The following PLOD1 variants were observed in gnomAD, a reference collection of about 807,000 sequenced individuals.
PLOD1 encodes procollagen-lysine,2-oxoglutarate 5-dioxygenase 1.
In PLOD1, 70 loss-of-function variants were observed where a neutral mutation model predicts 94.7. The ratio of observed to expected loss-of-function variants is 0.74; its 90% confidence interval spans 0.61 to 0.90. PLOD1 has a LOEUF of 0.90. Among genes scored for constraint, PLOD1 ranks in the 40% least tolerant of loss-of-function variants. PLOD1 has a pLI of 0.00. For synonymous variants in PLOD1, 417 were observed against 400.2 expected (o/e 1.04, Z -0.50); for missense variants, 905 against 972.7 (o/e 0.93, Z 0.93).
intron 1 of PLOD1, among the ~76,000 whole-genome samples, chr1:11,936,400 G>C (rs919331661): frequency 1.3e-5 from 2 of 151,200 alleles, no homozygotes; most frequent in Admixed American, 1.3e-4. Context: ...AAGCAGAAGT[G>C]GCGGTACTTT....
At chr1:11,968,244 G>A (rs773807117) in intron 16 of PLOD1, among the ~76,000 whole-genome samples, 3 of 151,842 alleles carry the variant, frequency 2.0e-5, no homozygotes, top group East Asian at 3.9e-4. Flanking sequence ...GTGAGCCACC[G>A]TGTCTGGCCT....
chr1:11,942,684 G>C (rs1403723377), intron 1 of PLOD1, among the ~76,000 whole-genome samples: 2 of 152,302 alleles, frequency 1.3e-5, no homozygotes, highest in East Asian at 3.9e-4. Flanking sequence ...CCGCCTCCCA[G>C]ACCCCTGCAT....
At chr1:11,970,952 G>A (rs539463587) in intron 17 of PLOD1, 136 bp downstream of exon 17, 22 of 495,426 alleles carry the variant, frequency 4.4e-5, no homozygotes, top group South Asian at 7.5e-5. Flanking sequence ...TGTGGGGAGC[G>A]TGGGAGGGGC....
chr1:11,951,523 G>A (rs904526896), intron 4 of PLOD1, among the ~76,000 whole-genome samples: 23 of 150,702 alleles, frequency 1.5e-4, no homozygotes, highest in African/African-American at 5.6e-4. Flanking sequence ...CTGAGATGGT[G>A]CCACTGCACT....
Position 11,954,890 on chromosome 1 carries a change from T to C in PLOD1, c.640T>C (p.Leu214=). 5.6e-6 allele frequency: 9 copies of C among 1,612,158 alleles called. No homozygotes were observed. Among genetic ancestry groups the C allele is most frequent in the Non-Finnish European group, 7.6e-6 (9 of 1,178,250 alleles). Residue 214 remains leucine, a synonymous_variant, in exon 6 of 19, where the codon TTG becomes CTG. Coordinates refer to ENST00000196061, the MANE Select transcript of PLOD1 (RefSeq NM_000302.4). ...CRIFQNLDGA[L]DEVVLKFEMG... ...TATCTTCCAGAACCTGGATGGAGCC[T>C]TGGGTGAGCAGCCCCCACGGGGAGG... is the stretch of plus-strand genomic sequence containing the variant.
intron 6 of PLOD1, 92 bp downstream of exon 6, chr1:11,954,985 G>C (rs1024194421): frequency 8.1e-6 from 8 of 991,922 alleles, no homozygotes; most frequent in Non-Finnish European, 1.3e-5. Flanking sequence ...GAAATGGGCT[G>C]CTTCTTTCTG....
At position 11,957,730 on chromosome 1, in the gene PLOD1, A is replaced by G; in HGVS notation, c.742-112A>G. On this transcript the variant is annotated intron_variant, in intron 7 of 18. Coordinates refer to ENST00000196061, the MANE Select transcript of PLOD1 (RefSeq NM_000302.4). This position sits in a 1 kb window ranked among gnomAD's most constrained non-coding sequence, Gnocchi z 4.1. ...CATTATCTCCAAGACCCTCTTAGGG[A>G]GTGGGAGGGGGCTGGATGGTGCTGA... 1.3e-6 allele frequency: 1 copy of G among 792,120 alleles called. No homozygotes were observed. Among genetic ancestry groups the G allele is most frequent in the Middle Eastern group, 2.9e-4 (1 of 3,476 alleles). The allele number at this position is 792,120 out of a possible 1,614,324, so 49.1% of individuals were successfully genotyped here.
chr1:11,944,346 C>T (rs1389881212), intron 1 of PLOD1, among the ~76,000 whole-genome samples: 5 of 152,052 alleles, frequency 3.3e-5, no homozygotes, highest in Admixed American at 3.3e-4. Context: ...CACGCCACCC[C>T]ATCCCCTTCC....
At chr1:11,962,274 CTTTTT>C (rs780613164) in intron 10 of PLOD1, among the ~76,000 whole-genome samples, 12 of 99,084 alleles carry the variant, frequency 1.2e-4, no homozygotes, top group African/African-American at 1.7e-4. Flanking sequence ...TTTTTGTTTT[CTTTTT>C]TTTTTTTTTT....
chr1:11,972,782 A>G lies in PLOD1; in HGVS notation c.1903-90A>G. ...CCTGTAAGCTGACCTGCAGCAGGCC[A>G]GACCAGGCCCCATGTGTGCACCCTC... is the stretch of plus-strand genomic sequence containing the variant. On this transcript the variant is annotated intron_variant, in intron 17 of 18. Coordinates refer to ENST00000196061, the MANE Select transcript of PLOD1 (RefSeq NM_000302.4). This position sits in a 1 kb window ranked among gnomAD's most constrained non-coding sequence, Gnocchi z 4.6. 1 of 1,476,656 alleles carries G rather than the reference A, an allele frequency of 6.8e-7. No homozygotes were observed. The highest frequency in any genetic ancestry group is 1.1e-5 in the South Asian group (1 of 87,774). 91.5% of individuals were successfully genotyped at this position (1,476,656 alleles called of 1,614,324 possible).
chr1:11,954,594 G>A (rs1331316105), intron 5 of PLOD1: 5 of 757,458 alleles, frequency 6.6e-6, no homozygotes, highest in Non-Finnish European at 1.2e-5. Flanking sequence ...TGCATTCTTA[G>A]ATTCCTTCCA....
chr1:11,974,699 C>T lies in PLOD1; in HGVS notation c.2075C>T (p.Pro692Leu), dbSNP rs557317492. The stretch of plus-strand genomic sequence containing the variant: ...CGCTACAACTGTTCCATCCGAGCCC[C>T]AAGGAAGGGCTGGACCCTCATGCAC... ...FLRYNCSIRA[P>L]RKGWTLMHPG... is the part of the protein sequence containing the mutation. The change falls in exon 19 of 19, where the codon CCA becomes CTA. Residue 692 changes from proline (P) to leucine (L), a missense_variant. Physicochemically the swap from Pro to Leu is moderately conservative, Grantham distance 98 (BLOSUM62 -3). Transcript: ENST00000196061. 430 of 1,613,948 alleles carry T rather than the reference C, an allele frequency of 2.7e-4. 9 individuals carry two copies. In the South Asian group the frequency reaches 4.2e-3, roughly 16 times the overall value.
chr1:11,972,841 C>A lies in PLOD1; in HGVS notation c.1903-31C>A, dbSNP rs201557415. 2 of 1,613,486 alleles carry A rather than the reference C, an allele frequency of 1.2e-6. No homozygotes were observed. The highest frequency in any genetic ancestry group is 8.5e-7 in the Non-Finnish European group (1 of 1,179,528). ...GCCTTTGTGTCCTCCTTAACTAACA[C>A]GGGCTCTCTTGTCCCCCTGCCTTGG... On this transcript the variant is annotated intron_variant, in intron 17 of 18. Transcript: ENST00000196061. This position sits in a 1 kb window ranked among gnomAD's most constrained non-coding sequence, Gnocchi z 4.6.
chr1:11,938,121 T>G (rs145790937), intron 1 of PLOD1, among the ~76,000 whole-genome samples: 5,570 of 150,804 alleles, frequency 0.037, 156 homozygotes, highest in Non-Finnish European at 0.055. Context: ...CCTGGCTAAT[T>G]TTTGTATTTT....
chr1:11,960,832 G>A, intron 10 of PLOD1, 65 bp downstream of exon 10: 2 of 1,603,950 alleles, frequency 1.2e-6, no homozygotes, highest in Non-Finnish European at 1.7e-6. Context: ...CTGTGGTAAG[G>A]AGCAGCAGGC....
rs190461659 is a variant in PLOD1, at chr1:11,959,856, T to C, written c.976-790T>C. The stretch of plus-strand genomic sequence containing the variant: ...TGGTCTCGATCTCCTGACCTCGTGA[T>C]CTGCCTGCCTCCGCCTGCCAAAGTG... On this transcript the variant is annotated intron_variant, in intron 9 of 18. Transcript: ENST00000196061. Among the ~76,000 whole-genome samples, 518 of 151,950 alleles carry C rather than the reference T, an allele frequency of 3.4e-3. 5 individuals carry two copies. Among genetic ancestry groups the C allele is most frequent in the African/African-American group, 0.012 (497 of 41,436 alleles).
chr1:11,950,543 G>A (rs199554315), intron 4 of PLOD1, 23 bp downstream of exon 4: 315 of 1,610,272 alleles, frequency 2.0e-4, no homozygotes, highest in Non-Finnish European at 2.4e-4. Flanking sequence ...GGTGCAGGGC[G>A]CTTGGCCCAG....
rs534738522 is a variant in PLOD1 at position 11,952,794 on chromosome 1, C to A, written c.579+59C>A. The A allele has an allele frequency of 1.1e-5, 13 of 1,212,162 alleles. 1 individual carries two copies. The South Asian group carries it at 1.6e-4, about 15-fold the overall frequency. 75.1% of individuals were successfully genotyped at this position (1,212,162 alleles called of 1,614,324 possible). On this transcript the variant is annotated intron_variant, in intron 5 of 18. Transcript: ENST00000196061. ...CTGGGGATCCACCGGCCAGGCTGCACGGGAACAGCTCCTCTCAGGCCTGAA... is the reference window on the plus strand; with the variant it reads ...CTGGGGATCCACCGGCCAGGCTGCAAGGGAACAGCTCCTCTCAGGCCTGAA...
chr1:11,947,050 T>A (rs1439347250), intron 1 of PLOD1, among the ~76,000 whole-genome samples: 2 of 151,904 alleles, frequency 1.3e-5, no homozygotes, highest in Non-Finnish European at 2.9e-5. Flanking sequence ...GTGTGGATCA[T>A]TTGCGGTCAG....
Sources: allele counts gnomAD v4.1 joint callset (sites outside exome capture counted in the v4.1 genomes callset), GRCh38; gene constraint gnomAD v4.1.1; non-coding constraint Gnocchi (gnomAD v3.1); transcripts MANE v1.5; gene names NCBI Gene and HGNC (gene_info 2026-07-23, HGNC 2026-07-21).